LRP1B: variants seen among roughly 807,000 people sequenced by gnomAD.
LRP1B encodes LDL receptor related protein 1B.
In LRP1B, 217 loss-of-function variants were observed where a neutral mutation model predicts 556.6. The observed-to-expected ratio is 0.39, with a 90% CI of 0.35 to 0.44. The LOEUF is 0.44. Ranked by LOEUF, LRP1B falls within the 20% of genes least tolerant of loss-of-function variation. The probability of loss-of-function intolerance (pLI) is 1.00; values close to 1 mark genes in which losing one functional copy is unlikely to be tolerated. For synonymous variants in LRP1B, 2,047 were observed against 1,865.8 expected, an observed-to-expected ratio of 1.10 and a Z score of -2.50; for missense variants, 5,053 against 5,620.8, an observed-to-expected ratio of 0.90 and a Z score of 3.23.
intron 7 of LRP1B, among the ~76,000 whole-genome samples, chr2:141,118,684 A>C (rs746507955): frequency 1.5e-4 from 23 of 151,938 alleles, no homozygotes; most frequent in Non-Finnish European, 3.1e-4. Context: ...CATTTATTCC[A>C]CACATTATTT....
At chr2:141,440,390 G>A (rs1680918616) in intron 3 of LRP1B, among the ~76,000 whole-genome samples, 1 of 152,164 alleles carries the variant, frequency 6.6e-6, no homozygotes, top group African/African-American at 2.4e-5. Context: ...GTTGAAAATG[G>A]CCACGCCCTG....
At chr2:140,352,914 A>G (rs763121160) in intron 76 of LRP1B, 39 bp downstream of exon 76, 1 of 1,570,594 alleles carries the variant, frequency 6.4e-7, no homozygotes, top group Non-Finnish European at 8.6e-7. Context: ...GTTTACAACA[A>G]AATTGTAATA....
At chr2:141,950,616 G>C (rs181037221) in intron 1 of LRP1B, among the ~76,000 whole-genome samples, 84 of 152,180 alleles carry the variant, frequency 5.5e-4, no homozygotes, top group African/African-American at 2.0e-3. Context: ...ATAGCATTTG[G>C]TGGAATTTTG....
intron 6 of LRP1B, among the ~76,000 whole-genome samples, chr2:141,213,817 TG>T (rs202231703): frequency 2.6e-5 from 4 of 152,238 alleles, no homozygotes; most frequent in South Asian, 2.1e-4. Context: ...TATTTTTTAC[TG>T]GTTTTTTTTT....
At chr2:142,052,813 T>A (rs1704510634) in intron 1 of LRP1B, among the ~76,000 whole-genome samples, 1 of 152,164 alleles carries the variant, frequency 6.6e-6, no homozygotes. Context: ...AAAAGCTGAC[T>A]CTATCAATAC....
intron 6 of LRP1B, among the ~76,000 whole-genome samples, chr2:141,225,129 G>T (rs1340728783): frequency 4.6e-5 from 7 of 152,112 alleles, no homozygotes; most frequent in Non-Finnish European, 1.0e-4. Flanking sequence ...TGTGAATGGG[G>T]TTAATTCAGA....
chr2:140,985,109 A>G (rs941187502), intron 17 of LRP1B, among the ~76,000 whole-genome samples: 2 of 152,036 alleles, frequency 1.3e-5, no homozygotes, highest in African/African-American at 4.8e-5. Context: ...AGAATTGTTT[A>G]TCTAGCTGCT....
At chr2:141,529,500 A>G (rs1261568292) in intron 2 of LRP1B, among the ~76,000 whole-genome samples, 1 of 152,174 alleles carries the variant, frequency 6.6e-6, no homozygotes, top group Admixed American at 6.5e-5. Flanking sequence ...ACACATATAC[A>G]TATATATCTT....
chr2:140,911,160 G>A (rs553197754), intron 21 of LRP1B, among the ~76,000 whole-genome samples: 1 of 151,892 alleles, frequency 6.6e-6, no homozygotes, highest in East Asian at 1.9e-4. Flanking sequence ...AAAAGGCATA[G>A]AACTCAGTGT....
chr2:140,789,002 T>C (rs545816591), intron 32 of LRP1B, among the ~76,000 whole-genome samples: 28 of 152,246 alleles, frequency 1.8e-4, no homozygotes, highest in African/African-American at 6.3e-4. Flanking sequence ...TACTAACACC[T>C]TGATTTCGGA....
At chr2:140,391,749 A>G (rs1027376808) in intron 66 of LRP1B, among the ~76,000 whole-genome samples, 4 of 152,170 alleles carry the variant, frequency 2.6e-5, no homozygotes, top group African/African-American at 9.7e-5. Context: ...TTAATTAACT[A>G]TAAGTCATAG....
intron 14 of LRP1B, among the ~76,000 whole-genome samples, chr2:141,011,071 CAGAGAG>C (rs143409764): frequency 1.3e-4 from 19 of 142,790 alleles, no homozygotes; most frequent in African/African-American, 3.1e-4. Context: ...TGTATTCTCT[CAGAGAG>C]AGAGAGAGAG....
At chr2:140,866,369 C>G (rs1022214894) in intron 27 of LRP1B, among the ~76,000 whole-genome samples, 2 of 151,952 alleles carry the variant, frequency 1.3e-5, no homozygotes, top group Non-Finnish European at 2.9e-5. Context: ...TAATCAAATT[C>G]AATATATCTA....
At chr2:142,099,989 A>G (rs925041843) in intron 1 of LRP1B, among the ~76,000 whole-genome samples, 2 of 151,964 alleles carry the variant, frequency 1.3e-5, no homozygotes, top group Admixed American at 6.6e-5. Context: ...CTGGTTCACA[A>G]TAGAATTTTC....
chr2:141,149,850 G>A (rs1701877554), intron 7 of LRP1B, among the ~76,000 whole-genome samples: 1 of 152,178 alleles, frequency 6.6e-6, no homozygotes. Flanking sequence ...AAACAAAGTA[G>A]TATCTGTGCT....
At chr2:141,984,295 C>T (rs1018795441) in intron 1 of LRP1B, among the ~76,000 whole-genome samples, 1 of 150,766 alleles carries the variant, frequency 6.6e-6, no homozygotes, top group Non-Finnish European at 1.5e-5. Flanking sequence ...AGTTATACAA[C>T]CAACAATGAC....
intron 86 of LRP1B, among the ~76,000 whole-genome samples, chr2:140,254,553 GTTTGTTTTGTT>G (rs1418049419): frequency 6.6e-6 from 1 of 151,782 alleles, no homozygotes; most frequent in East Asian, 1.9e-4. Context: ...TGTTTTGTTT[GTTTGTTTTGTT>G]TTGTTTTGAG....
chr2:141,781,386 A>G (rs984737015), intron 2 of LRP1B, among the ~76,000 whole-genome samples: 1 of 152,190 alleles, frequency 6.6e-6, no homozygotes, highest in Admixed American at 6.5e-5. Flanking sequence ...TCTTCACTAT[A>G]TACTTAGTTA....
intron 1 of LRP1B, among the ~76,000 whole-genome samples, chr2:142,115,708 TATATATGTAATATATATATA>T (rs1327005416): frequency 0.043 from 875 of 20,234 alleles, 369 homozygotes; most frequent in African/African-American, 0.1. Context: ...ATATATATAA[TATATATGTAATATATATATA>T]ATATATATGT....
Sources: gnomAD v4.1 joint callset for allele counts (sites outside exome capture counted in the v4.1 genomes callset) on GRCh38, gnomAD v4.1.1 for gene constraint, MANE v1.5 for transcripts, NCBI Gene and HGNC (gene_info 2026-07-23, HGNC 2026-07-21) for gene names.